Variants in GPHN observed in about 807,000 individuals in gnomAD.
GPHN encodes gephyrin.
Under a neutral mutation model 95.5 loss-of-function variants are expected in GPHN, and 17 were observed. The ratio of observed to expected loss-of-function variants is 0.18; its 90% confidence interval spans 0.12 to 0.27. GPHN has a LOEUF of 0.27. Among genes scored for constraint, GPHN ranks in the 10% least tolerant of loss-of-function variants. GPHN has a pLI of 1.00. For missense variants in GPHN, 660 were observed against 978.1 expected, an observed-to-expected ratio of 0.67 and a Z score of 4.34; for synonymous variants, 320 against 322.5, an observed-to-expected ratio of 0.99 and a Z score of 0.08.
the GPHN span, among the ~76,000 whole-genome samples, chr14:67,294,021 G>T: frequency 6.6e-6 from 1 of 152,126 alleles, no homozygotes; most frequent in Non-Finnish European, 1.5e-5. Flanking sequence ...GAAAAGCAAA[G>T]AACTAAAGTG....
intron 22 of GPHN, among the ~76,000 whole-genome samples, chr14:67,180,332 C>G (rs953946469): frequency 6.6e-6 from 1 of 152,254 alleles, no homozygotes; most frequent in East Asian, 1.9e-4. Flanking sequence ...AAACTGGCCA[C>G]CAACCTACTT....
At chr14:67,434,320 T>C in the GPHN span, among the ~76,000 whole-genome samples, 2 of 152,196 alleles carry the variant, frequency 1.3e-5, no homozygotes. Context: ...ACAAAACAGT[T>C]CCTATCCTTT....
At chr14:67,037,460 A>G (rs1382591269) in intron 10 of GPHN, among the ~76,000 whole-genome samples, 2 of 152,064 alleles carry the variant, frequency 1.3e-5, no homozygotes, top group Non-Finnish European at 2.9e-5. Context: ...GACTACCTCA[A>G]ATTTAAATAT....
intron 3 of GPHN, among the ~76,000 whole-genome samples, chr14:66,800,268 G>A (rs1394371746): frequency 1.3e-5 from 2 of 152,014 alleles, no homozygotes; most frequent in African/African-American, 2.4e-5. Context: ...GTAATATTCT[G>A]TATTTTTCTG....
the GPHN span, among the ~76,000 whole-genome samples, chr14:67,489,917 G>A: frequency 6.6e-6 from 1 of 151,980 alleles, no homozygotes; most frequent in African/African-American, 2.4e-5. Flanking sequence ...GTGAACCTGG[G>A]AGGCAGAGCT....
chr14:66,637,026 G>A (rs952537385), intron 1 of GPHN, among the ~76,000 whole-genome samples: 4 of 152,166 alleles, frequency 2.6e-5, no homozygotes, highest in Admixed American at 2.6e-4. Flanking sequence ...AGATCTAACT[G>A]TAGTTGTAAG....
At chr14:67,316,440 T>C in the GPHN span, among the ~76,000 whole-genome samples, 1 of 152,184 alleles carries the variant, frequency 6.6e-6, no homozygotes. Flanking sequence ...AATGCGCACA[T>C]GTTGTTTTGG....
intron 4 of GPHN, among the ~76,000 whole-genome samples, chr14:66,832,001 G>A (rs1026191366): frequency 6.6e-6 from 1 of 152,032 alleles, no homozygotes; most frequent in East Asian, 1.9e-4. Flanking sequence ...AAAAAAATTA[G>A]CCAGGCATGT....
At chr14:67,419,806 G>A in the GPHN span, among the ~76,000 whole-genome samples, 1 of 151,058 alleles carries the variant, frequency 6.6e-6, no homozygotes, top group South Asian at 2.1e-4. Flanking sequence ...CCGAGATCGC[G>A]CCACGGCACT....
chr14:66,554,775 C>G (rs1158372840), intron 1 of GPHN, among the ~76,000 whole-genome samples: 1 of 152,168 alleles, frequency 6.6e-6, no homozygotes, highest in African/African-American at 2.4e-5. Flanking sequence ...AAATGATCCT[C>G]TAACAAGCTC....
At chr14:67,720,470 A>G in the GPHN span, among the ~76,000 whole-genome samples, 2 of 152,286 alleles carry the variant, frequency 1.3e-5, no homozygotes, top group Admixed American at 6.5e-5. Context: ...CAGTGGTTTC[A>G]TTTCTCATAC....
chr14:66,872,425 C>A (rs2153528529), intron 4 of GPHN, among the ~76,000 whole-genome samples: 1 of 152,252 alleles, frequency 6.6e-6, no homozygotes, highest in East Asian at 1.9e-4. Context: ...TCATGTATTT[C>A]ACCCTCAAGT....
chr14:66,761,659 CTT>C (rs753179169), intron 2 of GPHN, among the ~76,000 whole-genome samples: 24 of 135,614 alleles, frequency 1.8e-4, no homozygotes, highest in Middle Eastern at 3.8e-3. Context: ...ATACTCAGTT[CTT>C]TTTTTTTTTT....
At chr14:67,264,597 A>C in the GPHN span, among the ~76,000 whole-genome samples, 23 of 152,184 alleles carry the variant, frequency 1.5e-4, no homozygotes, top group South Asian at 4.1e-4. Flanking sequence ...CTGCATGTAG[A>C]TATCCAGTGT....
At chr14:67,029,588 C>A (rs2074089818) in intron 10 of GPHN, among the ~76,000 whole-genome samples, 2 of 152,176 alleles carry the variant, frequency 1.3e-5, no homozygotes, top group Non-Finnish European at 2.9e-5. Context: ...CCACCCGCCT[C>A]AGCCCCCCAA....
intron 14 of GPHN, among the ~76,000 whole-genome samples, chr14:67,111,095 G>A (rs2078342629): frequency 1.3e-5 from 2 of 152,242 alleles, no homozygotes; most frequent in African/African-American, 4.8e-5. Context: ...CGAGTAGATA[G>A]TAAAATTGGC....
the GPHN span, among the ~76,000 whole-genome samples, chr14:67,413,209 A>G: frequency 6.6e-6 from 1 of 152,254 alleles, no homozygotes; most frequent in East Asian, 1.9e-4. Context: ...AAGGAAACTC[A>G]GTCAAATAGT....
intron 18 of GPHN, among the ~76,000 whole-genome samples, chr14:67,158,614 G>A (rs909387908): frequency 5.3e-5 from 8 of 152,144 alleles, no homozygotes; most frequent in Admixed American, 1.3e-4. Context: ...AAAAAATTTA[G>A]TAATAGACCT....
At chr14:67,052,327 C>G (rs2075343226) in intron 10 of GPHN, among the ~76,000 whole-genome samples, 1 of 147,444 alleles carries the variant, frequency 6.8e-6, no homozygotes, top group Admixed American at 6.8e-5. Flanking sequence ...TCTTACAAAA[C>G]AGACATTAAA....
Sources: gnomAD v4.1 joint callset for allele counts (sites outside exome capture counted in the v4.1 genomes callset) on GRCh38, gnomAD v4.1.1 for gene constraint, MANE v1.5 for transcripts, NCBI Gene and HGNC (gene_info 2026-07-23, HGNC 2026-07-21) for gene names.